Variants in NAA60 observed in about 807,000 individuals in gnomAD.
NAA60 encodes the protein N-alpha-acetyltransferase 60.
A neutral mutation model predicts 26.1 loss-of-function variants in NAA60; 8 were observed. That is an observed-to-expected ratio of 0.31 (90% CI 0.18 to 0.55). NAA60 has a LOEUF of 0.55. Ranked by LOEUF, NAA60 falls within the 20% of genes least tolerant of loss-of-function variation. NAA60 has a pLI of 0.93. For missense variants in NAA60, 290 were observed against 311.3 expected (o/e 0.93, Z 0.51); for synonymous variants, 131 against 122.5 (o/e 1.07, Z -0.46).
At chr16:3,480,057 C>T (rs563685874) in intron 4 of NAA60, among the ~76,000 whole-genome samples, 13 of 152,196 alleles carry the variant, frequency 8.5e-5, no homozygotes, top group African/African-American at 3.1e-4. Flanking sequence ...TCTAAGAACC[C>T]TTTGGGCATC....
intron 2 of NAA60, among the ~76,000 whole-genome samples, chr16:3,453,301 G>C (rs189797651): frequency 3.0e-3 from 449 of 152,070 alleles, no homozygotes; most frequent in African/African-American, 9.5e-3. Flanking sequence ...AGGAGGCTGG[G>C]GCAAGAGAAT....
At chr16:3,476,368 A>T (rs1278155469) in intron 3 of NAA60, 31 bp downstream of exon 3, 6 of 1,575,748 alleles carry the variant, frequency 3.8e-6, no homozygotes, top group Admixed American at 3.4e-5. Context: ...GGTTGGGGAG[A>T]GCCCGTGAGC....
chr16:3,444,075 C>G (rs1436589208), intron 1 of NAA60, among the ~76,000 whole-genome samples: 1 of 152,150 alleles, frequency 6.6e-6, no homozygotes, highest in Admixed American at 6.5e-5. Flanking sequence ...ACGTATTGTA[C>G]CCGCAGCTGC....
intron 2 of NAA60, chr16:3,462,752 T>C (rs1463970939): frequency 1.3e-5 from 2 of 152,172 alleles, no homozygotes; most frequent in Non-Finnish European, 1.5e-5. Flanking sequence ...ATAGTAATTA[T>C]ACTAGGGATG....
Position 3,448,656 on chromosome 16 carries a change from G to A in NAA60, c.-7+116G>A, listed in dbSNP as rs12162080. ...GTATTAAATATTCTCTTAATTTTTAGTACTGAATGATAGAAGGCGCCTAGT... is the reference window on the plus strand; with the variant it reads ...GTATTAAATATTCTCTTAATTTTTAATACTGAATGATAGAAGGCGCCTAGT... On this transcript the variant is annotated intron_variant, in intron 2 of 7. Transcript: ENST00000407558. The A allele has an allele frequency of 6.0e-6, 5 of 831,888 alleles. No individual in the cohort carries two copies. In the South Asian group the frequency reaches 9.0e-5, roughly 15 times the overall value. 51.5% of individuals were successfully genotyped at this position (831,888 alleles called of 1,614,324 possible).
At chr16:3,485,441 C>T (rs917520276) in intron 7 of NAA60, 26 bp from the exon 8 acceptor site, 104 of 458,610 alleles carry the variant, frequency 2.3e-4, no homozygotes, top group Non-Finnish European at 3.9e-4. Context: ...GGCCTTCACC[C>T]TGCCCTGCTC....
At chr16:3,447,121 G>A (rs1484498402) in intron 1 of NAA60, among the ~76,000 whole-genome samples, 3 of 152,194 alleles carry the variant, frequency 2.0e-5, no homozygotes, top group Admixed American at 6.5e-5. Flanking sequence ...GATTACAGGC[G>A]TGAGCCCCTG....
At chr16:3,480,978 C>T (rs946493785) in intron 4 of NAA60, among the ~76,000 whole-genome samples, 1 of 152,092 alleles carries the variant, frequency 6.6e-6, no homozygotes, top group African/African-American at 2.4e-5. Context: ...TGGCATCTAC[C>T]CTGTTTTGCC....
intron 4 of NAA60, among the ~76,000 whole-genome samples, chr16:3,480,150 A>G (rs1257315511): frequency 1.3e-5 from 2 of 152,110 alleles, no homozygotes; most frequent in Non-Finnish European, 2.9e-5. Context: ...ATTGTTCCAA[A>G]TGGTTGAGTT....
intron 2 of NAA60, among the ~76,000 whole-genome samples, chr16:3,474,558 C>T (rs1294588147): frequency 1.3e-5 from 2 of 152,264 alleles, no homozygotes; most frequent in Non-Finnish European, 1.5e-5. Flanking sequence ...GTGGACGCCG[C>T]GGGCACTTCC....
intron 1 of NAA60, chr16:3,447,714 T>C: frequency 1.2e-6 from 1 of 801,070 alleles, no homozygotes; most frequent in Non-Finnish European, 1.5e-6. Flanking sequence ...TGTTGCTACC[T>C]AGTCTCCAGT....
intron 2 of NAA60, among the ~76,000 whole-genome samples, chr16:3,475,215 C>T (rs1403451652): frequency 2.6e-5 from 4 of 151,982 alleles, no homozygotes; most frequent in Non-Finnish European, 5.9e-5. Context: ...TCAGCCTCCA[C>T]AGTAACTGGG....
intron 2 of NAA60, among the ~76,000 whole-genome samples, chr16:3,452,849 G>C (rs1474830365): frequency 6.6e-6 from 1 of 151,996 alleles, no homozygotes; most frequent in Non-Finnish European, 1.5e-5. Context: ...CAGCTACTGG[G>C]GAGGCTGAGG....
chr16:3,451,659 T>A (rs1215043981), intron 2 of NAA60, among the ~76,000 whole-genome samples: 1 of 152,094 alleles, frequency 6.6e-6, no homozygotes, highest in Non-Finnish European at 1.5e-5. Flanking sequence ...GGCTCACACC[T>A]GTAATCCTAA....
chr16:3,481,337 G>A (rs916337889), intron 4 of NAA60, among the ~76,000 whole-genome samples: 5 of 152,140 alleles, frequency 3.3e-5, no homozygotes, highest in African/African-American at 1.2e-4. Flanking sequence ...TGATCCGCCT[G>A]CCTCGCGGGA....
At chr16:3,455,421 C>T (rs1237598519) in intron 2 of NAA60, among the ~76,000 whole-genome samples, 7 of 129,812 alleles carry the variant, frequency 5.4e-5, no homozygotes, top group East Asian at 2.4e-4. Context: ...GACGGAGTCT[C>T]GCTCTGTCTG....
At chr16:3,474,058 C>G (rs2036319802) in intron 2 of NAA60, among the ~76,000 whole-genome samples, 1 of 151,490 alleles carries the variant, frequency 6.6e-6, no homozygotes, top group South Asian at 2.1e-4. Flanking sequence ...CTGGAGTCAA[C>G]AGTGCATGGA....
intron 2 of NAA60, among the ~76,000 whole-genome samples, chr16:3,456,240 C>G (rs1250066289): frequency 6.6e-6 from 1 of 152,148 alleles, no homozygotes; most frequent in South Asian, 2.1e-4. Flanking sequence ...GAATTAAGTG[C>G]CCATTCTGAC....
At chr16:3,455,954 C>T (rs2034973535) in intron 2 of NAA60, among the ~76,000 whole-genome samples, 1 of 151,896 alleles carries the variant, frequency 6.6e-6, no homozygotes, top group African/African-American at 2.4e-5. Flanking sequence ...GTTCACCCGA[C>T]TTGACCTCCC....
Sources: allele counts gnomAD v4.1 joint callset (sites outside exome capture counted in the v4.1 genomes callset), GRCh38; gene constraint gnomAD v4.1.1; transcripts MANE v1.5; gene names NCBI Gene and HGNC (gene_info 2026-07-23, HGNC 2026-07-21).